The following GPC3 variants were observed in gnomAD, a reference collection of about 807,000 sequenced individuals.
GPC3 encodes glypican-3.
A neutral mutation model predicts 34.4 loss-of-function variants in GPC3; 3 were observed. The ratio of observed to expected loss-of-function variants is 0.09; its 90% CI spans 0.04 to 0.23. The LOEUF (loss-of-function observed/expected upper bound fraction) is 0.23. Among genes scored for constraint, GPC3 ranks in the 10% least tolerant of loss-of-function variants. GPC3 has a pLI of 1.00. For synonymous variants in GPC3, 177 were observed against 174.0 expected (o/e 1.02, Z -0.13); for missense variants, 351 against 445.6 (o/e 0.79, Z 1.91).
intron 4 of GPC3, among the ~76,000 whole-genome samples, chrX:133,696,054 C>T (rs772994792): frequency 5.4e-5 from 6 of 111,674 alleles, no homozygotes; most frequent in African/African-American, 1.6e-4. Flanking sequence ...TGGGATGAGA[C>T]AGGGAGAACA....
At chrX:133,803,350 C>T (rs1273714514) in intron 2 of GPC3, among the ~76,000 whole-genome samples, 1 of 112,415 alleles carries the variant, frequency 8.9e-6, no homozygotes, top group Non-Finnish European at 1.9e-5. Flanking sequence ...GGAATTTAGA[C>T]CAACTAACAT....
chrX:133,736,731 G>A (rs2071514542), intron 3 of GPC3, among the ~76,000 whole-genome samples: 1 of 111,806 alleles, frequency 8.9e-6, no homozygotes, highest in African/African-American at 3.3e-5. Context: ...GGGAGATGGA[G>A]AGTAATAGGG....
At chrX:133,868,872 T>C (rs922607325) in intron 2 of GPC3, among the ~76,000 whole-genome samples, 2 of 111,466 alleles carry the variant, frequency 1.8e-5, no homozygotes, top group Non-Finnish European at 3.8e-5. Flanking sequence ...TAGTTTCCCC[T>C]CCTCCCCATC....
intron 2 of GPC3, among the ~76,000 whole-genome samples, chrX:133,868,194 G>A (rs1252947364): frequency 9.0e-6 from 1 of 111,429 alleles, no homozygotes; most frequent in Non-Finnish European, 1.9e-5. Context: ...TAACACTGAG[G>A]CTGCAGGCAC....
intron 2 of GPC3, among the ~76,000 whole-genome samples, chrX:133,934,041 A>ATT (rs776268390): frequency 1.2e-4 from 10 of 85,951 alleles, no homozygotes; most frequent in Non-Finnish European, 2.3e-4. Context: ...AATTTTTTGT[A>ATT]TTTTTTTTTT....
chrX:133,814,721 C>T (rs2075681566), intron 2 of GPC3, among the ~76,000 whole-genome samples: 1 of 110,339 alleles, frequency 9.1e-6, no homozygotes, highest in African/African-American at 3.3e-5. Flanking sequence ...GCATACACCA[C>T]CACGCCCAGC....
At chrX:133,707,266 T>C (rs1385178669) in intron 3 of GPC3, among the ~76,000 whole-genome samples, 2 of 111,485 alleles carry the variant, frequency 1.8e-5, no homozygotes, top group Non-Finnish European at 3.8e-5. Flanking sequence ...CTATGCTCAC[T>C]ACCTGGGTGA....
intron 3 of GPC3, among the ~76,000 whole-genome samples, chrX:133,716,951 C>CT (rs1385977808): frequency 9.1e-6 from 1 of 109,610 alleles, no homozygotes; most frequent in Non-Finnish European, 1.9e-5. Context: ...TTAACAGTTG[C>CT]TTTTTTTTTC....
chrX:133,558,903 GTAAATAAA>G (rs755481125), intron 7 of GPC3, among the ~76,000 whole-genome samples: 343 of 102,601 alleles, frequency 3.3e-3, no homozygotes, highest in Admixed American at 6.0e-3. Context: ...AAATAAGTAA[GTAAATAAA>G]TAAATAAATA....
chrX:133,963,868 T>C (rs983777111), intron 1 of GPC3, among the ~76,000 whole-genome samples: 4 of 111,908 alleles, frequency 3.6e-5, no homozygotes, highest in African/African-American at 1.3e-4. Context: ...TAGTCAACAA[T>C]GACAGCCTAC....
intron 2 of GPC3, among the ~76,000 whole-genome samples, chrX:133,757,669 A>G (rs1196722246): frequency 1.8e-5 from 2 of 111,537 alleles, no homozygotes; most frequent in Non-Finnish European, 3.8e-5. Flanking sequence ...TCCTTATAGA[A>G]GCAGGTTATT....
Position 133,536,265 on chromosome X carries a change from A to T in GPC3, c.1602T>A (p.Asp534Glu). The stretch of plus-strand genomic sequence containing the variant: ...TTGCCTGCTGACTGTTTCCAGGCGC[A>T]TCATCCACATCCAGATCATAGGCCA... Reference protein sequence around the residue: ...AELAYDLDVDDAPGNSQQATP... With the variant: ...AELAYDLDVDEAPGNSQQATP... Residue 534 changes from aspartate to glutamate, a missense_variant, in exon 8 of 8, where the codon GAT (aspartate) becomes GAA (glutamate). Transcript: ENST00000370818. The T allele has an allele frequency of 8.3e-7, 1 of 1,202,443 alleles. No homozygotes were observed. Among genetic ancestry groups the T allele is most frequent in the Admixed American group, 2.2e-5 (1 of 45,510 alleles).
At chrX:133,623,625 T>C (rs763316490) in intron 6 of GPC3, among the ~76,000 whole-genome samples, 2 of 112,011 alleles carry the variant, frequency 1.8e-5, no homozygotes, top group African/African-American at 3.2e-5. Flanking sequence ...TAAATATATA[T>C]GCACTCAATA....
chrX:133,614,512 C>T (rs895302925), intron 6 of GPC3, among the ~76,000 whole-genome samples: 1 of 109,298 alleles, frequency 9.1e-6, no homozygotes, highest in Non-Finnish European at 1.9e-5. Flanking sequence ...AACCAGCAAA[C>T]GTGTCCTTCA....
chrX:133,807,785 T>A (rs2075644048), intron 2 of GPC3, among the ~76,000 whole-genome samples: 1 of 112,665 alleles, frequency 8.9e-6, no homozygotes, highest in African/African-American at 3.2e-5. Flanking sequence ...TAATTTCCCT[T>A]CATTCTCTAC....
At chrX:133,954,842 G>C (rs2076409985) in intron 1 of GPC3, among the ~76,000 whole-genome samples, 1 of 104,232 alleles carries the variant, frequency 9.6e-6, no homozygotes, top group South Asian at 4.7e-4. Flanking sequence ...CCACCTCCCG[G>C]GTTCAAGGGA....
intron 2 of GPC3, among the ~76,000 whole-genome samples, chrX:133,938,373 T>C (rs184070912): frequency 2.2e-3 from 244 of 111,575 alleles, no homozygotes; most frequent in African/African-American, 7.4e-3. Flanking sequence ...AACACTACAC[T>C]GCCTTTTATT....
chrX:133,794,797 T>G (rs958023719), intron 2 of GPC3, among the ~76,000 whole-genome samples: 20 of 112,418 alleles, frequency 1.8e-4, no homozygotes, highest in Admixed American at 4.7e-4. Flanking sequence ...GAAGGGAGAA[T>G]TTTTAAAAAA....
chrX:133,561,623 C>T (rs778671679), intron 7 of GPC3, among the ~76,000 whole-genome samples: 1 of 112,312 alleles, frequency 8.9e-6, no homozygotes, highest in Non-Finnish European at 1.9e-5. Context: ...GCACTTTTCA[C>T]ACACTCTGAA....
Sources: gnomAD v4.1 joint callset for allele counts (sites outside exome capture counted in the v4.1 genomes callset) on GRCh38, gnomAD v4.1.1 for gene constraint, MANE v1.5 for transcripts, NCBI Gene and HGNC (gene_info 2026-07-23, HGNC 2026-07-21) for gene names.